Variants in JAK1 observed in about 807,000 individuals in gnomAD.
The protein encoded by JAK1 is Janus kinase 1, also known as tyrosine-protein kinase JAK1.
Under a neutral mutation model 136.6 loss-of-function variants are expected in JAK1, and 16 were observed. That is an observed-to-expected ratio of 0.12 (90% CI 0.08 to 0.18). The LOEUF is 0.18. JAK1 is among the 10% of genes least tolerant of loss of function. The probability of loss-of-function intolerance (pLI) is 1.00; values close to 1 mark genes in which losing one functional copy is unlikely to be tolerated. For missense variants in JAK1, 859 were observed against 1,450.1 expected (o/e 0.59, Z 6.62); for synonymous variants, 492 against 519.5 (o/e 0.95, Z 0.72).
At chr1:65,034,357 G>T (rs1213722015) in intron 2 of JAK1, among the ~76,000 whole-genome samples, 2 of 152,188 alleles carry the variant, frequency 1.3e-5, no homozygotes, top group African/African-American at 4.8e-5. Flanking sequence ...TTGTACAAAA[G>T]GAAGGATCAG....
intron 8 of JAK1, among the ~76,000 whole-genome samples, chr1:64,861,284 T>C (rs775517526): frequency 3.3e-5 from 5 of 152,116 alleles, no homozygotes; most frequent in Non-Finnish European, 7.4e-5. Flanking sequence ...GTGAAGAGTT[T>C]GCTAGATTAA....
At chr1:64,900,412 G>A (rs549611345) in intron 1 of JAK1, among the ~76,000 whole-genome samples, 1 of 151,724 alleles carries the variant, frequency 6.6e-6, no homozygotes, top group South Asian at 2.1e-4. Flanking sequence ...ATCACCAAGC[G>A]AGTTCTGGGG....
chr1:65,067,420 C>G (rs1324276308), intron 1 of JAK1, among the ~76,000 whole-genome samples: 7 of 148,596 alleles, frequency 4.7e-5, no homozygotes, highest in African/African-American at 1.5e-4. Context: ...TCCGACGCGC[C>G]GCGAGACGGG....
At chr1:64,871,361 T>C (rs1657062312) in intron 5 of JAK1, among the ~76,000 whole-genome samples, 1 of 152,210 alleles carries the variant, frequency 6.6e-6, no homozygotes, top group Non-Finnish European at 1.5e-5. Flanking sequence ...CACCTACGTA[T>C]GCAGTTGTTC....
intron 2 of JAK1, among the ~76,000 whole-genome samples, chr1:65,026,022 T>G (rs747956194): frequency 6.6e-6 from 1 of 152,082 alleles, no homozygotes; most frequent in African/African-American, 2.4e-5. Flanking sequence ...TACCTCAAAT[T>G]ATCATTCCAG....
At chr1:64,986,847 G>C (rs1217107625) in intron 2 of JAK1, among the ~76,000 whole-genome samples, 1 of 152,014 alleles carries the variant, frequency 6.6e-6, no homozygotes, top group African/African-American at 2.4e-5. Flanking sequence ...CCTCCAGCCT[G>C]GGTGACAGAG....
At chr1:64,975,086 G>GTTT (rs111582090) in intron 2 of JAK1, among the ~76,000 whole-genome samples, 19 of 145,942 alleles carry the variant, frequency 1.3e-4, no homozygotes, top group African/African-American at 3.0e-4. Flanking sequence ...ATTTTGTATA[G>GTTT]TTTTTTTTTT....
intron 17 of JAK1, 138 bp from the exon 18 acceptor site, chr1:64,841,739 A>T: frequency 1.2e-6 from 1 of 817,716 alleles, no homozygotes; most frequent in Non-Finnish European, 1.9e-6. Context: ...AGTGTTTGTT[A>T]CTGCTGCCTT....
At chr1:64,852,861 G>A (rs981521705) in intron 11 of JAK1, among the ~76,000 whole-genome samples, 8 of 152,126 alleles carry the variant, frequency 5.3e-5, no homozygotes, top group South Asian at 4.1e-4. Flanking sequence ...GGTTGCCGCC[G>A]TGATTATGAC....
At chr1:65,038,115 C>G (rs1183837530) in intron 2 of JAK1, among the ~76,000 whole-genome samples, 1 of 151,852 alleles carries the variant, frequency 6.6e-6, no homozygotes, top group Admixed American at 6.6e-5. Context: ...ACCTGTGCAA[C>G]AGGGCACTGT....
Position 64,836,164 on chromosome 1 carries a change from G to A in JAK1, c.3192C>T (p.Val1064=). ...MQSKFYIASD[V]WSFGVTLHEL... ...CATGCAGAGTGACTCCAAAAGACCA[G>A]ACGTCAGAGGCAATATAAAATTTAG... The change falls in exon 23 of 25, where the codon GTC becomes GTT. Residue 1064 remains valine (V), a synonymous_variant. Coordinates refer to ENST00000342505, the MANE Select transcript of JAK1 (RefSeq NM_002227.4). 2 of 1,613,370 alleles carry A rather than the reference G, an allele frequency of 1.2e-6. No individual in the cohort carries two copies. Among genetic ancestry groups the A allele is most frequent in the Non-Finnish European group, 1.7e-6 (2 of 1,179,382 alleles).
chr1:64,883,041 T>C (rs1030051725), intron 3 of JAK1, among the ~76,000 whole-genome samples: 4 of 152,118 alleles, frequency 2.6e-5, no homozygotes, highest in Non-Finnish European at 5.9e-5. Context: ...AGTTCATTAG[T>C]GACGGAGCAG....
intron 1 of JAK1, among the ~76,000 whole-genome samples, chr1:64,937,715 T>C (rs778007791): frequency 2.6e-4 from 40 of 152,172 alleles, no homozygotes; most frequent in Non-Finnish European, 4.9e-4. Flanking sequence ...ATTTCAGTTT[T>C]TCAGACATAT....
intron 4 of JAK1, among the ~76,000 whole-genome samples, chr1:64,878,106 C>G (rs890590398): frequency 5.3e-5 from 8 of 152,184 alleles, no homozygotes; most frequent in Non-Finnish European, 1.0e-4. Flanking sequence ...TAGCAAATCC[C>G]TGCATTCTAT....
At chr1:65,023,398 C>T (rs517136) in intron 2 of JAK1, among the ~76,000 whole-genome samples, 34,715 of 152,122 alleles carry the variant, frequency 0.23, 5,094 homozygotes, top group East Asian at 0.39. Context: ...GCTTGGCCAA[C>T]AGATTTCGAT....
intron 1 of JAK1, among the ~76,000 whole-genome samples, chr1:64,938,942 A>G (rs750187326): frequency 2.0e-5 from 3 of 152,192 alleles, no homozygotes; most frequent in Non-Finnish European, 4.4e-5. Context: ...ATACTTAATT[A>G]ACTGAACTAA....
At chr1:65,014,876 A>G (rs506025) in intron 2 of JAK1, among the ~76,000 whole-genome samples, 35,433 of 151,632 alleles carry the variant, frequency 0.23, 5,725 homozygotes, top group African/African-American at 0.44. Context: ...TAGTAGAGAC[A>G]GGGTTTCACC....
chr1:64,950,180 C>A (rs1344971876), intron 1 of JAK1, among the ~76,000 whole-genome samples: 1 of 152,124 alleles, frequency 6.6e-6, no homozygotes, highest in Non-Finnish European at 1.5e-5. Flanking sequence ...CGGGCCAAGG[C>A]GGGCGGATCA....
intron 1 of JAK1, among the ~76,000 whole-genome samples, chr1:64,960,674 T>C (rs1646267612): frequency 6.6e-6 from 1 of 152,200 alleles, no homozygotes; most frequent in Non-Finnish European, 1.5e-5. Context: ...CTCACTGGTG[T>C]TTCACCCTGA....
Sources: allele counts gnomAD v4.1 joint callset (sites outside exome capture counted in the v4.1 genomes callset), GRCh38; gene constraint gnomAD v4.1.1; transcripts MANE v1.5; gene names NCBI Gene and HGNC (gene_info 2026-07-23, HGNC 2026-07-21).